ZDHHC13: variants seen among roughly 807,000 people sequenced by gnomAD.
ZDHHC13 encodes the protein palmitoyltransferase ZDHHC13.
ZDHHC13 carries 85 observed loss-of-function variants against 86.0 expected under a neutral mutation model. That is an observed-to-expected ratio of 0.99 (90% confidence interval 0.83 to 1.18). ZDHHC13 has a LOEUF of 1.18. ZDHHC13 is among the 50% of genes most tolerant of loss of function. ZDHHC13 has a pLI of 0.00. For synonymous variants in ZDHHC13, 263 were observed against 246.4 expected, an observed-to-expected ratio of 1.07 and a Z score of -0.63; for missense variants, 711 against 730.2, an observed-to-expected ratio of 0.97 and a Z score of 0.30.
chr11:19,138,467 C>T (rs1344071311), intron 1 of ZDHHC13, among the ~76,000 whole-genome samples: 33 of 151,048 alleles, frequency 2.2e-4, no homozygotes, highest in African/African-American at 4.9e-4. Flanking sequence ...GATTCACAGC[C>T]GAATTCTACC....
chr11:19,124,856 A>G (rs2133361341), intron 1 of ZDHHC13, among the ~76,000 whole-genome samples: 1 of 152,236 alleles, frequency 6.6e-6, no homozygotes, highest in South Asian at 2.1e-4. Flanking sequence ...TTCAAAAACC[A>G]CCAAATCAGT....
At chr11:19,129,615 T>C (rs906028952) in intron 1 of ZDHHC13, among the ~76,000 whole-genome samples, 3 of 152,162 alleles carry the variant, frequency 2.0e-5, no homozygotes, top group African/African-American at 7.2e-5. Flanking sequence ...GTGGGTTACA[T>C]TGATTTATTT....
intron 1 of ZDHHC13, among the ~76,000 whole-genome samples, chr11:19,131,465 AC>A: frequency 6.6e-6 from 1 of 152,120 alleles, no homozygotes; most frequent in Middle Eastern, 3.4e-3. Context: ...ATTAAAAAAA[AC>A]TTTTTTCCTT....
chr11:19,138,608 C>CA (rs1849216879), intron 1 of ZDHHC13, among the ~76,000 whole-genome samples: 2 of 151,090 alleles, frequency 1.3e-5, no homozygotes, highest in African/African-American at 4.9e-5. Context: ...GAGACACAAC[C>CA]AAAAAAGAGA....
At chr11:19,166,232 T>TTGA in intron 13 of ZDHHC13, 70 bp from the exon 14 acceptor site, 1 of 1,256,580 alleles carries the variant, frequency 8.0e-7, no homozygotes, top group Non-Finnish European at 1.1e-6. Context: ...GGAAAGTGGT[T>TTGA]AAGGAGGTCT....
At position 19,149,124 on chromosome 11, in the gene ZDHHC13, T is replaced by G. The variant is rs184243472; in HGVS notation, c.375-63T>G. The G allele has an allele frequency of 8.0e-5, 108 of 1,345,756 alleles. No individual in the cohort carries two copies. In the African/African-American group the frequency reaches 1.4e-3, roughly 17 times the overall value. 83.4% of individuals were successfully genotyped at this position (1,345,756 alleles called of 1,614,324 possible). A position where few individuals can be genotyped will look rare whatever the true frequency, so the allele number is the denominator to read the frequency against. On this transcript the variant is annotated intron_variant, in intron 4 of 16. Coordinates refer to ENST00000446113, the MANE Select transcript of ZDHHC13 (RefSeq NM_019028.3). ...ATCCCTCATGTCTTAGGAATATCAGTCTCTCCCTGACTTTTTGCTTTTTCT... is the reference window on the plus strand; with the variant it reads ...ATCCCTCATGTCTTAGGAATATCAGGCTCTCCCTGACTTTTTGCTTTTTCT...
chr11:19,164,287 T>A lies in ZDHHC13; in HGVS notation c.1234-14T>A. On this transcript the variant is annotated splice_polypyrimidine_tract_variant and intron_variant, in intron 11 of 16. Coordinates refer to ENST00000446113, the MANE Select transcript of ZDHHC13 (RefSeq NM_019028.3). ...AATAAAATGTGGTAATAGGTCAAAC[T>A]TCATGTCTTTCAGAATATCATCACC... 1 of 1,612,556 alleles carries A rather than the reference T, an allele frequency of 6.2e-7. No homozygotes were observed. The highest frequency in any genetic ancestry group is 8.5e-7 in the Non-Finnish European group (1 of 1,179,294).
chr11:19,143,000 C>T lies in ZDHHC13; in HGVS notation c.50C>T (p.Pro17Leu). ...CAGTGCAGGAATCACAGCCATGGCCCCCACCCTCCAGGATTTGGTCGATAT... is the reference window on the plus strand; with the variant it reads ...CAGTGCAGGAATCACAGCCATGGCCTCCACCCTCCAGGATTTGGTCGATAT... Reference protein sequence around the residue: ...GSQCRNHSHGPHPPGFGRYGI... With the variant: ...GSQCRNHSHGLHPPGFGRYGI... Residue 17 changes from proline to leucine, a missense_variant, in exon 2 of 17, where the codon CCC (proline) becomes CTC (leucine). By Grantham distance (98) the Pro-to-Leu change is moderately conservative. Coordinates refer to ENST00000446113, the MANE Select transcript of ZDHHC13 (RefSeq NM_019028.3). The T allele has an allele frequency of 6.2e-7, 1 of 1,610,200 alleles. No homozygotes were observed. The highest frequency in any genetic ancestry group is 8.5e-7 in the Non-Finnish European group (1 of 1,178,030).
upstream of ZDHHC13, chr11:19,117,152 A>T: frequency 7.3e-7 from 1 of 1,361,804 alleles, no homozygotes; most frequent in Non-Finnish European, 1.0e-6. This position sits in a 1 kb window ranked among gnomAD's most constrained non-coding sequence, Gnocchi z 4.2. Flanking sequence ...TGAGGGCGCC[A>T]GCAGGAAGTG....
chr11:19,168,923 A>G (rs1403278741), intron 14 of ZDHHC13: 1 of 984,856 alleles, frequency 1.0e-6, no homozygotes, highest in African/African-American at 1.7e-5. Flanking sequence ...AGAACTCTGT[A>G]ACTGTCAGAG....
At position 19,169,021 on chromosome 11, in the gene ZDHHC13, A is replaced by G. The variant is rs116437610; in HGVS notation, c.1475-1390A>G. On this transcript the variant is annotated intron_variant, in intron 14 of 16. Coordinates refer to ENST00000446113, the MANE Select transcript of ZDHHC13 (RefSeq NM_019028.3). The stretch of plus-strand genomic sequence containing the variant: ...CAGCTGATAAGAATGTATTAGCACA[A>G]ATTAAAGTGTTACATTGCATAAGAT... The G allele has an allele frequency of 1.3e-3, 1,291 of 985,456 alleles. 8 individuals carry two copies. In the African/African-American group the frequency reaches 0.016, roughly 13 times the overall value. The allele number at this position is 985,456 out of a possible 1,614,324, so 61.0% of individuals were successfully genotyped here. A position where few individuals can be genotyped will look rare whatever the true frequency, so the allele number is the denominator to read the frequency against.
Position 19,155,885 on chromosome 11 carries a change from A to T in ZDHHC13, c.963A>T (p.Gly321=). ...ATTCAGATTCTTGGCTTTTAAAAGG[A>T]TGTCTTCTAGTAACACTGTTTTTTC... The part of the protein sequence containing the change: ...DFNSDSWLLK[G]CLLVTLFFLT... The change falls in exon 9 of 17, where the codon GGA becomes GGT. Residue 321 remains glycine (G), a synonymous_variant. Transcript: ENST00000446113. 1.9e-6 allele frequency: 3 copies of T among 1,612,438 alleles called. No homozygotes were observed. Among genetic ancestry groups the T allele is most frequent in the Non-Finnish European group, 2.5e-6 (3 of 1,179,600 alleles).
chr11:19,141,986 A>G (rs1849333698), intron 1 of ZDHHC13, among the ~76,000 whole-genome samples: 1 of 152,098 alleles, frequency 6.6e-6, no homozygotes, highest in African/African-American at 2.4e-5. Flanking sequence ...TTAAAACAAC[A>G]CCTACTTATT....
At chr11:19,119,235 C>T (rs758327983) in intron 1 of ZDHHC13, among the ~76,000 whole-genome samples, 2 of 152,086 alleles carry the variant, frequency 1.3e-5, no homozygotes, top group Admixed American at 1.3e-4. Flanking sequence ...CTCAGCCTGC[C>T]GAGTAGCTGG....
chr11:19,121,883 T>C (rs1590057345), intron 1 of ZDHHC13, among the ~76,000 whole-genome samples: 1 of 152,172 alleles, frequency 6.6e-6, no homozygotes, highest in East Asian at 1.9e-4. Flanking sequence ...ACCACTATCA[T>C]ACAGTCAATG....
intron 2 of ZDHHC13, among the ~76,000 whole-genome samples, chr11:19,144,458 T>C (rs556518456): frequency 1.3e-5 from 2 of 151,874 alleles, no homozygotes; most frequent in African/African-American, 4.8e-5. Flanking sequence ...TGTGTGTGTG[T>C]GTGTGTGTTT....
chr11:19,165,396 G>A (rs556386753), intron 13 of ZDHHC13, among the ~76,000 whole-genome samples: 16 of 152,274 alleles, frequency 1.1e-4, no homozygotes, highest in African/African-American at 3.6e-4. Flanking sequence ...AAAAACGCTA[G>A]ATCAGAGAAG....
At position 19,170,375 on chromosome 11, in the gene ZDHHC13, C is replaced by CTTT. The variant is rs55637113; in HGVS notation, c.1475-16_1475-14dup. 4.9e-3 allele frequency: 5,954 copies of CTTT among 1,224,706 alleles called. 9 individuals are homozygous for CTTT. Among genetic ancestry groups the CTTT allele is most frequent in the South Asian group, 0.016 (1,009 of 63,000 alleles). The allele number at this position is 1,224,706 out of a possible 1,614,324, so 75.9% of individuals were successfully genotyped here. On this transcript the variant is annotated intron_variant, in intron 14 of 16. Coordinates refer to ENST00000446113, the MANE Select transcript of ZDHHC13 (RefSeq NM_019028.3). ...TGGAGACTGATAAGTAGTTTATTGC[C>CTTT]TTTTTTTTTTTTTTTTTTTTTTGGT...
intron 6 of ZDHHC13, 99 bp downstream of exon 6, chr11:19,150,890 A>T (rs1360631851): frequency 6.7e-6 from 7 of 1,037,424 alleles, no homozygotes; most frequent in Non-Finnish European, 9.9e-6. Context: ...AGATGATAGT[A>T]CATTGAAGAA....
Sources: gnomAD v4.1 joint callset for allele counts (sites outside exome capture counted in the v4.1 genomes callset) on GRCh38, gnomAD v4.1.1 for gene constraint, Gnocchi (gnomAD v3.1) non-coding constraint, MANE v1.5 for transcripts, NCBI Gene and HGNC (gene_info 2026-07-23, HGNC 2026-07-21) for gene names.